SLC8A1: variants seen among roughly 807,000 people sequenced by gnomAD.
The protein encoded by SLC8A1 is sodium/calcium exchanger 1.
In SLC8A1, 18 loss-of-function variants were observed where a neutral mutation model predicts 68.3. The observed-to-expected ratio is 0.26, with a 90% CI of 0.18 to 0.39. The LOEUF (loss-of-function observed/expected upper bound fraction) is 0.39, where lower values mean the gene tolerates loss of function less well. SLC8A1 is among the 10% of genes least tolerant of loss of function. The pLI, the probability that SLC8A1 is intolerant of heterozygous loss-of-function variation, is 1.00. For missense variants in SLC8A1, 985 were observed against 1,156.7 expected, an observed-to-expected ratio of 0.85 and a Z score of 2.15; for synonymous variants, 475 against 415.5, an observed-to-expected ratio of 1.14 and a Z score of -1.74.
At chr2:40,241,390 T>C (rs1230934841) in intron 2 of SLC8A1, among the ~76,000 whole-genome samples, 2 of 149,298 alleles carry the variant, frequency 1.3e-5, no homozygotes, top group Non-Finnish European at 3.0e-5. Flanking sequence ...ATCAGTACTG[T>C]ACTCAGTACC....
chr2:40,198,181 T>C lies in SLC8A1; in HGVS notation c.1809-20326A>G, dbSNP rs116627403. ...TGTGTGTTAGATTAAATGAAAGATATAGGAAGGGAACATGTGAACATTGGT... is the reference window on the plus strand; with the variant it reads ...TGTGTGTTAGATTAAATGAAAGATACAGGAAGGGAACATGTGAACATTGGT... On this transcript the variant is annotated intron_variant, in intron 2 of 7. Transcript: ENST00000406785. Among the ~76,000 whole-genome samples, 359 of 152,000 alleles carry C rather than the reference T, an allele frequency of 2.4e-3. 4 individuals carry two copies. Among genetic ancestry groups the C allele is most frequent in the African/African-American group, 8.2e-3 (341 of 41,490 alleles).
chr2:40,431,243 G>A (rs971452334), intron 1 of SLC8A1, among the ~76,000 whole-genome samples: 2 of 152,024 alleles, frequency 1.3e-5, no homozygotes, highest in African/African-American at 2.4e-5. Flanking sequence ...ACCTTAAAAT[G>A]TTCCTTCTCG....
At chr2:40,412,647 T>C (rs972718406) in intron 2 of SLC8A1, among the ~76,000 whole-genome samples, 9 of 152,160 alleles carry the variant, frequency 5.9e-5, no homozygotes, top group Admixed American at 3.9e-4. Context: ...GGTAATGTTA[T>C]TGACTTCAGA....
intron 1 of SLC8A1, among the ~76,000 whole-genome samples, chr2:40,471,878 C>A (rs909235341): frequency 4.6e-5 from 7 of 152,122 alleles, no homozygotes; most frequent in African/African-American, 1.4e-4. Context: ...GCTGGCAAAT[C>A]TTAAAGAAGT....
intron 2 of SLC8A1, among the ~76,000 whole-genome samples, chr2:40,290,576 TA>T (rs2069131490): frequency 6.6e-6 from 1 of 152,176 alleles, no homozygotes; most frequent in Admixed American, 6.5e-5. Flanking sequence ...AAGTCCATGT[TA>T]AATACTCAAA....
At position 40,149,405 on chromosome 2, in the gene SLC8A1, T is replaced by C. The variant is rs180710204; in HGVS notation, c.2162-9729A>G. On this transcript the variant is annotated intron_variant, in intron 6 of 7. Coordinates refer to ENST00000406785, the Ensembl canonical transcript of SLC8A1. ...TATGTAATAATTTCAGATACTGATA[T>C]GAGTTATGAATATAATGAAGTCTGG... 6.9e-3 allele frequency among the ~76,000 whole-genome samples: 1,049 copies of C among 152,260 alleles called. 6 individuals are homozygous for C. The highest frequency in any genetic ancestry group is 0.014 in the Middle Eastern group (4 of 294).
At chr2:40,480,476 T>C (rs1379587829) in intron 1 of SLC8A1, among the ~76,000 whole-genome samples, 1 of 152,204 alleles carries the variant, frequency 6.6e-6, no homozygotes, top group Non-Finnish European at 1.5e-5. Flanking sequence ...TCTCATCAGA[T>C]ACGGAGTTTG....
chr2:40,458,047 G>C (rs1230026870), intron 1 of SLC8A1, among the ~76,000 whole-genome samples: 1 of 152,154 alleles, frequency 6.6e-6, no homozygotes, highest in African/African-American at 2.4e-5. Context: ...GTTTTGTTTT[G>C]TTTTCAAGTT....
At chr2:40,261,966 CT>C (rs35330106) in intron 2 of SLC8A1, among the ~76,000 whole-genome samples, 175 of 142,002 alleles carry the variant, frequency 1.2e-3, no homozygotes, top group Middle Eastern at 7.4e-3. Flanking sequence ...TGTCTTTTCA[CT>C]TTTTTTTTTT....
rs530199486 is a variant in SLC8A1, at chr2:40,353,235, T to A, written c.1808+75238A>T. Among the ~76,000 whole-genome samples the A allele has an allele frequency of 2.0e-5, 3 of 152,286 alleles. No homozygotes were observed. The South Asian group carries it at 6.2e-4, about 32-fold the overall frequency. On this transcript the variant is annotated intron_variant, in intron 2 of 7. Coordinates refer to ENST00000406785, the Ensembl canonical transcript of SLC8A1. The stretch of plus-strand genomic sequence containing the variant: ...GCTCAAATTTTGTTCCTCAAATATG[T>A]GCTTGCTGTCATAACCATGTCTCTG...
intron 2 of SLC8A1, among the ~76,000 whole-genome samples, chr2:40,392,204 A>G (rs1043749010): frequency 6.6e-5 from 10 of 151,900 alleles, no homozygotes; most frequent in Middle Eastern, 3.4e-3. Context: ...AAGAAAGAAA[A>G]GAAAAAGAAA....
chr2:40,435,388 T>C (rs79456913), intron 1 of SLC8A1, among the ~76,000 whole-genome samples: 1,921 of 150,564 alleles, frequency 0.013, 31 homozygotes, highest in African/African-American at 0.045. Flanking sequence ...AGCCTCAGGC[T>C]ATCAGACCAT....
In SLC8A1 at chr2:40,142,975, A is replaced by C. The variant is rs565547810; in HGVS notation, c.2162-3299T>G. ...GTGTGTGTGTGTGTGTGAGAGCGAG[A>C]GAGAGAGAGAGAACGTGTGTTCTTT... On this transcript the variant is annotated intron_variant, in intron 6 of 7. Coordinates refer to ENST00000406785, the Ensembl canonical transcript of SLC8A1. Among the ~76,000 whole-genome samples, 39 of 151,818 alleles carry C rather than the reference A, an allele frequency of 2.6e-4. 1 individual carries two copies. The highest frequency in any genetic ancestry group is 1.9e-4 in the East Asian group (1 of 5,154).
intron 2 of SLC8A1, among the ~76,000 whole-genome samples, chr2:40,314,254 G>A (rs188645383): frequency 1.1e-4 from 17 of 152,114 alleles, no homozygotes; most frequent in African/African-American, 3.9e-4. Flanking sequence ...GTTCTGCACA[G>A]AATTGCCTTG....
chr2:40,275,662 A>G (rs569915240), intron 2 of SLC8A1, among the ~76,000 whole-genome samples: 29 of 152,332 alleles, frequency 1.9e-4, no homozygotes, highest in Middle Eastern at 3.4e-3. Flanking sequence ...CCTGGCTTTA[A>G]AATGAAGGTC....
At chr2:40,392,838 G>C (rs541479800) in intron 2 of SLC8A1, among the ~76,000 whole-genome samples, 3 of 152,170 alleles carry the variant, frequency 2.0e-5, no homozygotes, top group Admixed American at 6.5e-5. Context: ...TAATGTTTAC[G>C]TTAAAGTGGG....
chr2:40,224,959 C>T (rs920237052), intron 2 of SLC8A1, among the ~76,000 whole-genome samples: 6 of 152,294 alleles, frequency 3.9e-5, no homozygotes, highest in Middle Eastern at 3.4e-3. Context: ...TCATCTTCTG[C>T]AGAAGGCGAG....
At chr2:40,258,184 C>A (rs1251917984) in intron 2 of SLC8A1, among the ~76,000 whole-genome samples, 2 of 152,116 alleles carry the variant, frequency 1.3e-5, no homozygotes, top group Non-Finnish European at 2.9e-5. Context: ...AAATTACAAC[C>A]CTTGGCTTCC....
chr2:40,285,674 A>T (rs1050665579), intron 2 of SLC8A1, among the ~76,000 whole-genome samples: 4 of 152,152 alleles, frequency 2.6e-5, no homozygotes, highest in African/African-American at 2.4e-5. Flanking sequence ...TCTCTTGGTG[A>T]AACAAGGTAT....
Sources: gnomAD v4.1 joint callset for allele counts (sites outside exome capture counted in the v4.1 genomes callset) on GRCh38, gnomAD v4.1.1 for gene constraint, MANE v1.5 for transcripts, NCBI Gene and HGNC (gene_info 2026-07-23, HGNC 2026-07-21) for gene names.